The following CAPN2 variants were observed in gnomAD, a reference collection of about 807,000 sequenced individuals.
The protein encoded by CAPN2 is calpain-2 catalytic subunit.
CAPN2 carries 92 observed loss-of-function variants against 102.3 expected under a neutral mutation model. The observed-to-expected ratio is 0.90, with a 90% CI of 0.76 to 1.07. The LOEUF (loss-of-function observed/expected upper bound fraction) is 1.07, where lower values mean the gene tolerates loss of function less well. Among genes scored for constraint, CAPN2 ranks in the 50% least tolerant of loss-of-function variants. The pLI is 0.00. For missense variants in CAPN2, 800 were observed against 909.4 expected, an observed-to-expected ratio of 0.88 and a Z score of 1.55; for synonymous variants, 340 against 355.4, an observed-to-expected ratio of 0.96 and a Z score of 0.49.
At chr1:223,717,727 G>A in intron 1 of CAPN2, 35 bp from the exon 2 acceptor site, 1 of 1,577,290 alleles carries the variant, frequency 6.3e-7, no homozygotes, top group Non-Finnish European at 8.7e-7. Flanking sequence ...CACCTGGCTG[G>A]TAGGCTAACA....
chr1:223,744,321 C>G, intron 3 of CAPN2, 103 bp downstream of exon 3: 1 of 777,234 alleles, frequency 1.3e-6, no homozygotes, highest in Non-Finnish European at 2.3e-6. Flanking sequence ...TTGCAGACTC[C>G]CAAGACCAAT....
chr1:223,712,478 A>G (rs1424283374), upstream of CAPN2: 1 of 1,170,424 alleles, frequency 8.5e-7, no homozygotes, highest in African/African-American at 1.6e-5. Context: ...GGCTGAGGCC[A>G]CACCCCGCGG....
At chr1:223,745,023 C>A (rs1660717233) in intron 3 of CAPN2, among the ~76,000 whole-genome samples, 2 of 144,978 alleles carry the variant, frequency 1.4e-5, no homozygotes, top group East Asian at 2.0e-4. Context: ...CCAGCCTGGG[C>A]AGAGCAAGAC....
At chr1:223,721,887 AAC>A (rs1660057875) in intron 2 of CAPN2, among the ~76,000 whole-genome samples, 1 of 152,252 alleles carries the variant, frequency 6.6e-6, no homozygotes, top group African/African-American at 2.4e-5. Flanking sequence ...TATACAGGCA[AAC>A]ACACTTGGCA....
rs1262794189 is a variant in CAPN2 at position 223,741,427 on chromosome 1, ATATATATAATGTG to A, written c.308-2664_308-2652del. Among the ~76,000 whole-genome samples the A allele has an allele frequency of 7.6e-4, 60 of 78,570 alleles. 1 individual carries two copies. The highest frequency in any genetic ancestry group is 6.8e-3 in the African/African-American group (58 of 8,510). The allele number at this position is 78,570 out of a possible 152,430, so 51.5% of individuals were successfully genotyped here. A position where few individuals can be genotyped will look rare whatever the true frequency, so the allele number is the denominator to read the frequency against. On this transcript the variant is annotated intron_variant, in intron 2 of 20. Coordinates refer to ENST00000295006, the MANE Select transcript of CAPN2 (RefSeq NM_001748.5). The stretch of plus-strand genomic sequence containing the variant: ...GAATCTTTGGCTGTAAAATGTATAT[ATATATATAATGTG>A]TATATATATATATATATATATATAT...
intron 3 of CAPN2, 46 bp from the exon 4 acceptor site, chr1:223,745,260 G>T: frequency 6.2e-7 from 1 of 1,612,776 alleles, no homozygotes; most frequent in Admixed American, 1.7e-5. Flanking sequence ...CAGAGTCCCA[G>T]TGCTGCCACC....
rs28370096 is a variant in CAPN2, at chr1:223,755,813, G to C, written c.1305+164G>C. Among the ~76,000 whole-genome samples the C allele has an allele frequency of 6.6e-6, 1 of 152,190 alleles. No individual in the cohort carries two copies. Among genetic ancestry groups the C allele is most frequent in the African/African-American group, 2.4e-5 (1 of 41,454 alleles). On this transcript the variant is annotated intron_variant, in intron 10 of 20. Coordinates refer to ENST00000295006, the MANE Select transcript of CAPN2 (RefSeq NM_001748.5). This position sits in a 1 kb window ranked among gnomAD's most constrained non-coding sequence, Gnocchi z 4.1. Reference sequence around the variant, plus strand: ...CTGGCCAGGCTCAGGAGTAGCCCCCGTAGGGAGGCCCCTGCAGTGGCTCTG... The same window carrying C: ...CTGGCCAGGCTCAGGAGTAGCCCCCCTAGGGAGGCCCCTGCAGTGGCTCTG...
chr1:223,770,086 C>A (rs1661432611), intron 17 of CAPN2, 177 bp downstream of exon 17: 1 of 632,352 alleles, frequency 1.6e-6, no homozygotes, highest in Non-Finnish European at 2.8e-6. Flanking sequence ...AAAAAACCAA[C>A]CAGGACTTCG....
chr1:223,759,317 G>T lies in CAPN2; in HGVS notation c.1365G>T (p.Thr455=). 1 of 1,614,188 alleles carries T rather than the reference G, an allele frequency of 6.2e-7. No individual in the cohort carries two copies. Among genetic ancestry groups the T allele is most frequent in the Non-Finnish European group, 8.5e-7 (1 of 1,180,048 alleles). ...ACCTCAGCAAAAACTTCTTCCTGAC[G>T]AATCGCGCCAGGGAGCGCTCAGACA... ...NIHLSKNFFL[T]NRARERSDTF... The change falls in exon 12 of 21, where the codon ACG becomes ACT. Residue 455 remains threonine, a synonymous_variant. Coordinates refer to ENST00000295006, the MANE Select transcript of CAPN2 (RefSeq NM_001748.5). The surrounding 1 kb of genome is among the most constrained non-coding windows in gnomAD (Gnocchi z 4.6).
intron 6 of CAPN2, among the ~76,000 whole-genome samples, chr1:223,750,027 G>C (rs1259929583): frequency 6.6e-6 from 1 of 152,012 alleles, no homozygotes; most frequent in Non-Finnish European, 1.5e-5. Flanking sequence ...AAATTATCAA[G>C]CAACTCAAGT....
In CAPN2 at chr1:223,722,281, C is replaced by CTT. The variant is rs34894876; in HGVS notation, c.307+4473_307+4474dup. 6.9e-3 allele frequency among the ~76,000 whole-genome samples: 585 copies of CTT among 85,370 alleles called. 13 individuals carry two copies. The highest frequency in any genetic ancestry group is 0.017 in the East Asian group (39 of 2,336). The allele number at this position is 85,370 out of a possible 152,430, so 56.0% of individuals were successfully genotyped here. On this transcript the variant is annotated intron_variant, in intron 2 of 20. Transcript: ENST00000295006. ...TTCCTTTCTTTCTTTTTCTTTCTTT[C>CTT]TTTTTTTTTTTTTTTTTTTTTTTTG...
At chr1:223,741,643 C>T (rs1178833809) in intron 2 of CAPN2, among the ~76,000 whole-genome samples, 6 of 151,756 alleles carry the variant, frequency 4.0e-5, no homozygotes, top group African/African-American at 1.2e-4. Context: ...TTAATAGAGA[C>T]GGGATTTCAC....
At chr1:223,713,270 G>A (rs998857959) in intron 1 of CAPN2, among the ~76,000 whole-genome samples, 2 of 152,192 alleles carry the variant, frequency 1.3e-5, no homozygotes, top group Non-Finnish European at 2.9e-5. Context: ...GGGACGGTGA[G>A]AGGCAGCATC....
At chr1:223,709,931 A>C (rs1659695299), upstream of CAPN2, among the ~76,000 whole-genome samples, 1 of 152,188 alleles carries the variant, frequency 6.6e-6, no homozygotes, top group African/African-American at 2.4e-5. Context: ...TACTTAGGTA[A>C]CTATACATTG....
intron 6 of CAPN2, chr1:223,749,391 TACA>T (rs1350586281): frequency 1.8e-6 from 1 of 561,764 alleles, no homozygotes; most frequent in Non-Finnish European, 3.1e-6. Context: ...GTTTTACAGT[TACA>T]ACCTTACTAT....
At chr1:223,736,697 C>T (rs1435284047) in intron 2 of CAPN2, among the ~76,000 whole-genome samples, 1 of 152,146 alleles carries the variant, frequency 6.6e-6, no homozygotes, top group Non-Finnish European at 1.5e-5. Flanking sequence ...TCCCTTCCCC[C>T]TGGGTATTTG....
At chr1:223,762,075 C>T (rs1225679638) in intron 13 of CAPN2, 111 bp from the exon 14 acceptor site, 2 of 830,692 alleles carry the variant, frequency 2.4e-6, no homozygotes, top group African/African-American at 1.7e-5. Flanking sequence ...ATTTGGGCCC[C>T]AGGGAGGGGT....
intron 4 of CAPN2, 143 bp downstream of exon 4, chr1:223,745,582 C>A: frequency 1.2e-6 from 1 of 813,430 alleles, no homozygotes; most frequent in Admixed American, 2.1e-5. Flanking sequence ...ACCAGCCTGG[C>A]CAACATGATG....
Position 223,755,553 on chromosome 1 carries a change from C to G in CAPN2, c.1209C>G (p.Ser403Arg), listed in dbSNP as rs372088631. 4 of 1,614,004 alleles carry G rather than the reference C, an allele frequency of 2.5e-6. No individual in the cohort carries two copies. The highest frequency in any genetic ancestry group is 3.4e-6 in the Non-Finnish European group (4 of 1,179,974). The part of the protein sequence containing the change: ...EEDEDEEDGE[S>R]GCTFLVGLIQ... ...ATGAGGACGAGGAGGATGGGGAGAG[C>G]GGCTGCACCTTCCTGGTGGGGCTCA... The change falls in exon 10 of 21, where the codon AGC becomes AGG. Residue 403 changes from serine to arginine, a missense_variant. By Grantham distance (110) the Ser-to-Arg change is moderately radical. Transcript: ENST00000295006. The surrounding 1 kb of genome is among the most constrained non-coding windows in gnomAD (Gnocchi z 4.1).
Sources: gnomAD v4.1 joint callset for allele counts (sites outside exome capture counted in the v4.1 genomes callset) on GRCh38, gnomAD v4.1.1 for gene constraint, Gnocchi (gnomAD v3.1) non-coding constraint, MANE v1.5 for transcripts, NCBI Gene and HGNC (gene_info 2026-07-23, HGNC 2026-07-21) for gene names.